The following CNTN4 variants were observed in gnomAD, a reference collection of about 807,000 sequenced individuals.
CNTN4 encodes the protein contactin-4.
A neutral mutation model predicts 122.5 loss-of-function variants in CNTN4; 77 were observed. That is an observed-to-expected ratio of 0.63 (90% CI 0.52 to 0.76). The LOEUF (loss-of-function observed/expected upper bound fraction) is 0.76. Ranked by LOEUF, CNTN4 falls within the 30% of genes least tolerant of loss-of-function variation. The pLI is 0.00. For synonymous variants in CNTN4, 512 were observed against 447.0 expected, an observed-to-expected ratio of 1.15 and a Z score of -1.83; for missense variants, 1,256 against 1,259.1, an observed-to-expected ratio of 1.00 and a Z score of 0.04.
chr3:2,476,794 G>A (rs2075847263), intron 3 of CNTN4, among the ~76,000 whole-genome samples: 1 of 152,134 alleles, frequency 6.6e-6, no homozygotes, highest in African/African-American at 2.4e-5. Context: ...TATAACAGGT[G>A]AATTTTTATA....
intron 12 of CNTN4, among the ~76,000 whole-genome samples, chr3:2,919,435 A>G (rs1044065459): frequency 2.6e-5 from 4 of 151,852 alleles, no homozygotes; most frequent in Non-Finnish European, 5.9e-5. Context: ...TTGATTAAAT[A>G]TCAACTTTGT....
intron 3 of CNTN4, among the ~76,000 whole-genome samples, chr3:2,504,080 A>G (rs538860808): frequency 6.6e-6 from 1 of 152,216 alleles, no homozygotes; most frequent in African/African-American, 2.4e-5. Context: ...GAGATCAATA[A>G]ATGGTACAAG....
intron 4 of CNTN4, among the ~76,000 whole-genome samples, chr3:2,681,047 A>G (rs2085136803): frequency 6.6e-6 from 1 of 152,188 alleles, no homozygotes; most frequent in Non-Finnish European, 1.5e-5. Flanking sequence ...TTAGAAAATG[A>G]GTCTTGAGTT....
chr3:2,473,788 G>A (rs905600800), intron 3 of CNTN4, among the ~76,000 whole-genome samples: 13 of 152,046 alleles, frequency 8.6e-5, no homozygotes, highest in African/African-American at 2.4e-4. Flanking sequence ...CGAGGTGGGC[G>A]GATCACTTGA....
At chr3:2,387,242 A>T (rs1358558437) in intron 3 of CNTN4, among the ~76,000 whole-genome samples, 1 of 152,212 alleles carries the variant, frequency 6.6e-6, no homozygotes, top group African/African-American at 2.4e-5. Flanking sequence ...ATCTCTTAAA[A>T]ATGCTTTTGG....
chr3:3,026,344 G>A, intron 15 of CNTN4, 67 bp downstream of exon 15: 2 of 1,374,208 alleles, frequency 1.5e-6, no homozygotes, highest in South Asian at 1.2e-5. Context: ...TATATTTAAA[G>A]TTACTATTTT....
intron 6 of CNTN4, among the ~76,000 whole-genome samples, chr3:2,754,787 A>G (rs1308078993): frequency 1.3e-5 from 2 of 152,028 alleles, no homozygotes; most frequent in African/African-American, 4.8e-5. Flanking sequence ...AAAGAGAGTA[A>G]TGTAACACAA....
At chr3:2,821,401 A>G (rs1170915668) in intron 7 of CNTN4, among the ~76,000 whole-genome samples, 7 of 152,256 alleles carry the variant, frequency 4.6e-5, no homozygotes, top group Admixed American at 1.3e-4. Flanking sequence ...ATTCCAAACC[A>G]GATCAAATGG....
chr3:2,126,727 A>G (rs114783823), intron 2 of CNTN4, among the ~76,000 whole-genome samples: 1 of 152,190 alleles, frequency 6.6e-6, no homozygotes, highest in Admixed American at 6.5e-5. Flanking sequence ...TTGAAAACTC[A>G]TCAAGTAATA....
chr3:2,879,408 T>A (rs2093881789), intron 8 of CNTN4, among the ~76,000 whole-genome samples: 1 of 152,198 alleles, frequency 6.6e-6, no homozygotes, highest in African/African-American at 2.4e-5. Context: ...TTAGGGCCAC[T>A]GAGTTTGTAA....
rs1287788027 is a variant in CNTN4 at position 3,038,974 on chromosome 3, A to C, written c.2134A>C (p.Ser712Arg). ...TPANVSGGGG[S>R]KSELVITWET... The stretch of plus-strand genomic sequence containing the variant: ...AGCGAATGTCAGTGGTGGCGGAGGC[A>C]GCAAATCTGAACTGGTTATAACCTG... Residue 712 changes from serine to arginine, a missense_variant, in exon 19 of 25, where the codon AGC becomes CGC. Transcript: ENST00000418658. 1 of 1,614,182 alleles carries C rather than the reference A, an allele frequency of 6.2e-7. No individual in the cohort carries two copies.
intron 12 of CNTN4, among the ~76,000 whole-genome samples, chr3:2,904,292 C>G (rs2151163056): frequency 6.6e-6 from 1 of 152,280 alleles, no homozygotes; most frequent in South Asian, 2.1e-4. Context: ...TCCTGACTTT[C>G]CCTTATGAAA....
intron 4 of CNTN4, among the ~76,000 whole-genome samples, chr3:2,734,626 A>G (rs1452994059): frequency 6.9e-6 from 1 of 143,898 alleles, no homozygotes; most frequent in Non-Finnish European, 1.5e-5. Context: ...CTTTTCTTCT[A>G]TTTCAACCTT....
intron 3 of CNTN4, among the ~76,000 whole-genome samples, chr3:2,495,385 C>G (rs1030580293): frequency 1.3e-5 from 2 of 152,180 alleles, no homozygotes; most frequent in Non-Finnish European, 2.9e-5. Context: ...AAATCCCCAG[C>G]CATTTACAAA....
At chr3:2,494,474 G>C (rs1345780347) in intron 3 of CNTN4, among the ~76,000 whole-genome samples, 1 of 152,104 alleles carries the variant, frequency 6.6e-6, no homozygotes, top group Non-Finnish European at 1.5e-5. Context: ...TTAAGATAAG[G>C]GGCCTTGTTG....
chr3:2,206,712 A>T (rs2038361596), intron 2 of CNTN4, among the ~76,000 whole-genome samples: 1 of 152,118 alleles, frequency 6.6e-6, no homozygotes, highest in Admixed American at 6.6e-5. Flanking sequence ...AATAGTGATA[A>T]TAAGCATAGC....
At chr3:2,979,830 G>C (rs1693789729) in intron 13 of CNTN4, among the ~76,000 whole-genome samples, 1 of 152,196 alleles carries the variant, frequency 6.6e-6, no homozygotes, top group South Asian at 2.1e-4. Flanking sequence ...TTCTAAGGAA[G>C]TGTTTCAGTG....
At chr3:2,260,828 A>G (rs2040807032) in intron 2 of CNTN4, among the ~76,000 whole-genome samples, 1 of 150,538 alleles carries the variant, frequency 6.6e-6, no homozygotes, top group African/African-American at 2.4e-5. Flanking sequence ...CCCAGTTCCC[A>G]GTGATTCTCC....
At chr3:2,931,218 G>C (rs1013701847) in intron 13 of CNTN4, among the ~76,000 whole-genome samples, 3 of 152,186 alleles carry the variant, frequency 2.0e-5, no homozygotes, top group African/African-American at 7.2e-5. Flanking sequence ...GAGTGAAAGA[G>C]AGAAGGGTGA....
Sources: allele counts gnomAD v4.1 joint callset (sites outside exome capture counted in the v4.1 genomes callset), GRCh38; gene constraint gnomAD v4.1.1; transcripts MANE v1.5; gene names NCBI Gene and HGNC (gene_info 2026-07-23, HGNC 2026-07-21).